The following DMD variants were observed in gnomAD, a reference collection of about 807,000 sequenced individuals.
DMD encodes mutant dystrophin.
In DMD, 63 loss-of-function variants were observed where a neutral mutation model predicts 330.1. The observed-to-expected ratio is 0.19, with a 90% confidence interval of 0.16 to 0.24. The LOEUF (loss-of-function observed/expected upper bound fraction) is 0.24, where lower values mean the gene tolerates loss of function less well. Ranked by LOEUF, DMD falls within the 10% of genes least tolerant of loss-of-function variation. The probability of loss-of-function intolerance (pLI) is 1.00; values close to 1 mark genes in which losing one functional copy is unlikely to be tolerated. For synonymous variants in DMD, 1,223 were observed against 959.8 expected, an observed-to-expected ratio of 1.27 and a Z score of -5.07; for missense variants, 3,344 against 2,684.1, an observed-to-expected ratio of 1.25 and a Z score of -5.43.
intron 1 of DMD, among the ~76,000 whole-genome samples, chrX:33,275,186 G>A (rs1412018562): frequency 8.9e-6 from 1 of 112,032 alleles, no homozygotes; most frequent in Non-Finnish European, 1.9e-5. Context: ...TCAGTGTATG[G>A]TACAGCCTAG....
chrX:31,846,430 G>A (rs1009205129), intron 48 of DMD, among the ~76,000 whole-genome samples: 1 of 83,926 alleles, frequency 1.2e-5, no homozygotes, highest in Non-Finnish European at 2.3e-5. Context: ...GGAAAATCAA[G>A]AAATACACAC....
intron 30 of DMD, among the ~76,000 whole-genome samples, chrX:32,408,082 C>G (rs1317083037): frequency 9.1e-6 from 1 of 110,222 alleles, no homozygotes; most frequent in Non-Finnish European, 1.9e-5. Context: ...ATGCAACTAA[C>G]CTGCACGTTG....
intron 17 of DMD, among the ~76,000 whole-genome samples, chrX:32,522,158 G>A (rs944780501): frequency 2.7e-5 from 3 of 111,905 alleles, no homozygotes; most frequent in Admixed American, 9.4e-5. Flanking sequence ...CATGTTTAAT[G>A]TATTGCAAAG....
At chrX:32,626,000 ATACAAT>A (rs1367320621) in intron 11 of DMD, among the ~76,000 whole-genome samples, 2 of 112,750 alleles carry the variant, frequency 1.8e-5, no homozygotes, top group Non-Finnish European at 3.7e-5. Context: ...TACATGTAAA[ATACAAT>A]TACATGATTT....
chrX:31,641,501 CAAAAAA>C (rs1048854739), intron 54 of DMD, among the ~76,000 whole-genome samples: 3 of 33,613 alleles, frequency 8.9e-5, no homozygotes, highest in African/African-American at 9.9e-5. Context: ...GACTCCGTCT[CAAAAAA>C]AAAAAAAAAA....
chrX:32,134,450 C>A (rs1444442964), intron 44 of DMD, among the ~76,000 whole-genome samples: 7 of 111,180 alleles, frequency 6.3e-5, no homozygotes. Context: ...AATTCTCATT[C>A]TCATGTAGAA....
intron 1 of DMD, among the ~76,000 whole-genome samples, chrX:33,082,276 T>C (rs1034692456): frequency 3.6e-5 from 4 of 112,165 alleles, no homozygotes; most frequent in African/African-American, 1.3e-4. Context: ...TTTAGATCTC[T>C]TATTACCTAA....
In DMD at chrX:32,856,515, G is replaced by A. The variant is rs189184684; in HGVS notation, c.94-6695C>T. Among the ~76,000 whole-genome samples, 8 of 111,935 alleles carry A rather than the reference G, an allele frequency of 7.1e-5. No individual in the cohort carries two copies. In the East Asian group the frequency reaches 1.4e-3, roughly 20 times the overall value. On this transcript the variant is annotated intron_variant, in intron 2 of 78. Transcript: ENST00000357033. ...ATGAGACGCTGTCATTTGCAACAAC[G>A]TGGATGGAACTGGAATACATTGTAT...
At chrX:32,126,050 G>A (rs1814167185) in intron 44 of DMD, among the ~76,000 whole-genome samples, 1 of 111,949 alleles carries the variant, frequency 8.9e-6, no homozygotes, top group Admixed American at 9.5e-5. Context: ...CTTCCTGAGT[G>A]TTAGCAAAGT....
chrX:33,181,202 G>A (rs1417309340), intron 1 of DMD, among the ~76,000 whole-genome samples: 2 of 111,430 alleles, frequency 1.8e-5, no homozygotes, highest in Non-Finnish European at 1.9e-5. Flanking sequence ...CAATGAGTTA[G>A]TTAGATTACA....
In DMD at chrX:31,875,193, C is replaced by T. The variant is rs746851176; in HGVS notation, c.7093G>A (p.Val2365Ile). 26 of 1,202,127 alleles carry T rather than the reference C, an allele frequency of 2.2e-5. No homozygotes were observed. The highest frequency in any genetic ancestry group is 3.5e-5 in the African/African-American group (2 of 56,887). ...TAAAGCAAAAAGTTCCCTACCTTAA[C>T]GTCAAATGGTCCTTCTTGGTTTGGT... is the stretch of plus-strand genomic sequence containing the variant. ...NQPNQEGPFDVKETEIAVQAK... is the reference protein window; with the variant it reads ...NQPNQEGPFDIKETEIAVQAK... The change falls in exon 48 of 79, where the codon GTT becomes ATT. Residue 2365 changes from valine (V) to isoleucine (I), a missense_variant. By Grantham distance (29) the Val-to-Ile change is conservative (BLOSUM62 3). Transcript: ENST00000357033.
chrX:31,198,555 TTA>T (rs2043137322), intron 67 of DMD, among the ~76,000 whole-genome samples: 1 of 112,392 alleles, frequency 8.9e-6, no homozygotes, highest in Non-Finnish European at 1.9e-5. Flanking sequence ...ATGAGTACTA[TTA>T]TGTGTCCATA....
At chrX:32,329,254 T>A (rs1302082943) in intron 41 of DMD, among the ~76,000 whole-genome samples, 1 of 112,072 alleles carries the variant, frequency 8.9e-6, no homozygotes, top group Admixed American at 9.5e-5. Flanking sequence ...TTCTAGAGCA[T>A]GATGGTAAGG....
At chrX:31,210,853 A>G (rs2044595892) in intron 64 of DMD, among the ~76,000 whole-genome samples, 1 of 112,682 alleles carries the variant, frequency 8.9e-6, no homozygotes, top group Non-Finnish European at 1.9e-5. Context: ...AATAGTGGTT[A>G]ATACCTATGT....
intron 25 of DMD, among the ~76,000 whole-genome samples, chrX:32,459,001 G>T (rs1247075506): frequency 1.8e-5 from 2 of 110,625 alleles, no homozygotes; most frequent in African/African-American, 6.6e-5. Context: ...GTTTCCAAAG[G>T]CTGAGAGAGG....
At chrX:32,340,839 A>C (rs965285892) in intron 41 of DMD, among the ~76,000 whole-genome samples, 9 of 112,015 alleles carry the variant, frequency 8.0e-5, no homozygotes, top group African/African-American at 2.9e-4. Context: ...AGGCTGAAAC[A>C]TTCAGCCAGG....
rs755810541 is a variant in DMD, at chrX:31,974,273, G to C, written c.6439-5759C>G. Among the ~76,000 whole-genome samples, 5 of 110,672 alleles carry C rather than the reference G, an allele frequency of 4.5e-5. No homozygotes were observed. In the East Asian group the frequency reaches 1.4e-3, roughly 32 times the overall value. On this transcript the variant is annotated intron_variant, in intron 44 of 78. Transcript: ENST00000357033. ...ACCGCGGACTAGTAGATGTGGGAAGGAGGGAGGGTGCGCATTGGTTGAAAA... is the reference window on the plus strand; with the variant it reads ...ACCGCGGACTAGTAGATGTGGGAAGCAGGGAGGGTGCGCATTGGTTGAAAA...
chrX:31,787,679 G>C (rs1176640150), intron 50 of DMD, among the ~76,000 whole-genome samples: 1 of 112,014 alleles, frequency 8.9e-6, no homozygotes, highest in Admixed American at 9.5e-5. Context: ...TCTTAAGTTG[G>C]TTTGAAGTGA....
At chrX:31,487,678 G>A in intron 57 of DMD, among the ~76,000 whole-genome samples, 1 of 111,226 alleles carries the variant, frequency 9.0e-6, no homozygotes, top group East Asian at 2.8e-4. Context: ...CTATGAGTTT[G>A]ACTAAATAAT....
Sources: gnomAD v4.1 joint callset for allele counts (sites outside exome capture counted in the v4.1 genomes callset) on GRCh38, gnomAD v4.1.1 for gene constraint, MANE v1.5 for transcripts, NCBI Gene and HGNC (gene_info 2026-07-23, HGNC 2026-07-21) for gene names.